The following STXBP5L variants were observed in gnomAD, a reference collection of about 807,000 sequenced individuals.
STXBP5L encodes syntaxin binding protein 5L.
In STXBP5L, 65 loss-of-function variants were observed where a neutral mutation model predicts 144.5. That is an observed-to-expected ratio of 0.45 (90% confidence interval 0.37 to 0.55). The LOEUF (loss-of-function observed/expected upper bound fraction) is 0.55, where lower values mean the gene tolerates loss of function less well. Among genes scored for constraint, STXBP5L ranks in the 20% least tolerant of loss-of-function variants. The pLI, the probability that STXBP5L is intolerant of heterozygous loss-of-function variation, is 0.00. For synonymous variants in STXBP5L, 505 were observed against 469.6 expected, an observed-to-expected ratio of 1.08 and a Z score of -0.97; for missense variants, 1,298 against 1,405.5, an observed-to-expected ratio of 0.92 and a Z score of 1.22.
At chr3:120,911,564 A>G (rs1708842996) in intron 2 of STXBP5L, among the ~76,000 whole-genome samples, 1 of 152,102 alleles carries the variant, frequency 6.6e-6, no homozygotes, top group South Asian at 2.1e-4. Context: ...AATAAGGTGA[A>G]GGTAATGCAT....
At chr3:121,029,910 C>T (rs1020314683) in intron 3 of STXBP5L, among the ~76,000 whole-genome samples, 3 of 151,622 alleles carry the variant, frequency 2.0e-5, no homozygotes, top group Non-Finnish European at 4.4e-5. Context: ...TTATGAGGCC[C>T]ACATACATAT....
chr3:121,164,330 T>A (rs1229027451), intron 9 of STXBP5L, among the ~76,000 whole-genome samples: 1 of 152,122 alleles, frequency 6.6e-6, no homozygotes, highest in East Asian at 1.9e-4. Context: ...ATGGCTGTTA[T>A]CAAAAAGAAA....
rs141160607 is a variant in STXBP5L, at chr3:121,081,432, G to C, written c.471-33493G>C. On this transcript the variant is annotated intron_variant, in intron 5 of 26. Coordinates refer to ENST00000471454, the MANE Select transcript of STXBP5L (RefSeq NM_001308330.2). The stretch of plus-strand genomic sequence containing the variant: ...TTTGTAGTTTATTTTAGCTGAATTT[G>C]GTTCTTGGTGCTTTTACGGGTGAAG... 6.1e-4 allele frequency among the ~76,000 whole-genome samples: 92 copies of C among 151,978 alleles called. 1 individual carries two copies. Among genetic ancestry groups the C allele is most frequent in the Non-Finnish European group, 8.8e-4 (60 of 67,950 alleles).
chr3:121,051,354 A>G (rs905499607), intron 5 of STXBP5L, among the ~76,000 whole-genome samples: 5 of 152,204 alleles, frequency 3.3e-5, no homozygotes, highest in Admixed American at 3.3e-4. Context: ...CTCCTCAGCA[A>G]ATGTAAAAGA....
intron 5 of STXBP5L, among the ~76,000 whole-genome samples, chr3:121,083,183 G>A (rs2042329324): frequency 6.6e-6 from 1 of 151,976 alleles, no homozygotes; most frequent in Non-Finnish European, 1.5e-5. Flanking sequence ...TGGCAACAGA[G>A]CAAGACTCTG....
intron 14 of STXBP5L, among the ~76,000 whole-genome samples, chr3:121,244,868 C>G (rs986036349): frequency 2.6e-5 from 4 of 151,908 alleles, no homozygotes; most frequent in African/African-American, 9.7e-5. Context: ...GCAATAAGAC[C>G]TCCCTATATA....
intron 5 of STXBP5L, among the ~76,000 whole-genome samples, chr3:121,072,797 A>G (rs1452669101): frequency 6.6e-6 from 1 of 152,164 alleles, no homozygotes; most frequent in Non-Finnish European, 1.5e-5. Context: ...TTTGGAGCCC[A>G]TACGGCTTCT....
At chr3:121,282,208 C>CT (rs547968676) in intron 19 of STXBP5L, 45 of 1,549,246 alleles carry the variant, frequency 2.9e-5, no homozygotes, top group Middle Eastern at 1.7e-4. Flanking sequence ...TCACTTTAGA[C>CT]TTTTTTTTCT....
chr3:121,394,399 A>T (rs1031570868), intron 22 of STXBP5L, among the ~76,000 whole-genome samples: 1 of 66,406 alleles, frequency 1.5e-5, no homozygotes. Context: ...TTCCAATTTG[A>T]ATGCCTTTTT....
intron 5 of STXBP5L, among the ~76,000 whole-genome samples, chr3:121,107,589 G>A (rs530953697): frequency 6.6e-6 from 1 of 152,080 alleles, no homozygotes; most frequent in Non-Finnish European, 1.5e-5. Context: ...TTTGGTACCA[G>A]TACCGTGCTG....
intron 20 of STXBP5L, among the ~76,000 whole-genome samples, chr3:121,358,803 G>A (rs1335726462): frequency 6.6e-6 from 1 of 152,150 alleles, no homozygotes. Flanking sequence ...CATCTATCTT[G>A]TTACAAATGA....
Position 121,305,027 on chromosome 3 carries a change from G to A in STXBP5L, c.2111-13448G>A, listed in dbSNP as rs1216967418. Among the ~76,000 whole-genome samples, 4 of 152,044 alleles carry A rather than the reference G, an allele frequency of 2.6e-5. No individual in the cohort carries two copies. In the East Asian group the frequency reaches 7.7e-4, roughly 29 times the overall value. On this transcript the variant is annotated intron_variant, in intron 19 of 26. Coordinates refer to ENST00000471454, the MANE Select transcript of STXBP5L (RefSeq NM_001308330.2). ...ATTCTACAGACATTAAAGAAATAAAGTAAGATTATTAACTCTATTCCCAGA... is the reference window on the plus strand; with the variant it reads ...ATTCTACAGACATTAAAGAAATAAAATAAGATTATTAACTCTATTCCCAGA...
intron 3 of STXBP5L, among the ~76,000 whole-genome samples, chr3:120,990,134 A>T (rs760937085): frequency 6.6e-6 from 1 of 152,184 alleles, no homozygotes; most frequent in Non-Finnish European, 1.5e-5. Context: ...ATCAATGGGC[A>T]AAAATCACAG....
rs190608701 is a variant in STXBP5L, at chr3:121,214,536, C to T, written c.957-8467C>T. On this transcript the variant is annotated intron_variant, in intron 10 of 26. Coordinates refer to ENST00000471454, the MANE Select transcript of STXBP5L (RefSeq NM_001308330.2). Reference sequence around the variant, plus strand: ...TGTGGTTTTGAGTGAGTTTCTCAATCCTGAGTTCTAATTTGATTGCACTGT... The same window carrying T: ...TGTGGTTTTGAGTGAGTTTCTCAATTCTGAGTTCTAATTTGATTGCACTGT... Among the ~76,000 whole-genome samples, 480 of 152,242 alleles carry T rather than the reference C, an allele frequency of 3.2e-3. 6 individuals carry two copies. The highest frequency in any genetic ancestry group is 3.0e-3 in the Non-Finnish European group (203 of 68,006).
intron 10 of STXBP5L, among the ~76,000 whole-genome samples, chr3:121,211,779 A>G (rs2048580336): frequency 6.6e-6 from 1 of 151,762 alleles, no homozygotes; most frequent in Admixed American, 6.6e-5. Flanking sequence ...ACAGGGTTAC[A>G]CCATGTTGGC....
At chr3:121,239,724 G>T (rs2049603786) in intron 13 of STXBP5L, among the ~76,000 whole-genome samples, 2 of 109,478 alleles carry the variant, frequency 1.8e-5, no homozygotes, top group South Asian at 7.5e-4. Flanking sequence ...GGGGGGAGGG[G>T]GGAGGGATAG....
At chr3:121,262,236 C>G (rs556293217) in intron 18 of STXBP5L, among the ~76,000 whole-genome samples, 1 of 152,304 alleles carries the variant, frequency 6.6e-6, no homozygotes, top group Admixed American at 6.5e-5. Flanking sequence ...AAATTTATGT[C>G]TTTCTCATAT....
rs113083088 is a variant in STXBP5L, at chr3:120,987,670, C to T, written c.287+32633C>T. Among the ~76,000 whole-genome samples the T allele has an allele frequency of 2.6e-3, 394 of 151,844 alleles. 2 individuals are homozygous for T. Among genetic ancestry groups the T allele is most frequent in the African/African-American group, 8.9e-3 (368 of 41,482 alleles). On this transcript the variant is annotated intron_variant, in intron 3 of 26. Coordinates refer to ENST00000471454, the MANE Select transcript of STXBP5L (RefSeq NM_001308330.2). ...TGGTTTCACCTCTTAGAATTCTTTG[C>T]TTAGCTCTGAATATTGATGATTTTT...
chr3:121,200,167 A>G (rs2048084643), intron 9 of STXBP5L, among the ~76,000 whole-genome samples: 2 of 152,136 alleles, frequency 1.3e-5, no homozygotes, highest in African/African-American at 4.8e-5. Flanking sequence ...AGAGCTTGTT[A>G]TTGGTACATT....
Sources: gnomAD v4.1 joint callset for allele counts (sites outside exome capture counted in the v4.1 genomes callset) on GRCh38, gnomAD v4.1.1 for gene constraint, MANE v1.5 for transcripts, NCBI Gene and HGNC (gene_info 2026-07-23, HGNC 2026-07-21) for gene names.